The following SULT4A1 variants were observed in gnomAD, a reference collection of about 807,000 sequenced individuals.
The protein encoded by SULT4A1 is sulfotransferase 4A1.
In SULT4A1, 11 loss-of-function variants were observed where a neutral mutation model predicts 35.2. The ratio of observed to expected loss-of-function variants is 0.31; its 90% CI spans 0.20 to 0.52. The LOEUF (loss-of-function observed/expected upper bound fraction) is 0.52, where lower values mean the gene tolerates loss of function less well. Ranked by LOEUF, SULT4A1 falls within the 20% of genes least tolerant of loss-of-function variation. The probability of loss-of-function intolerance (pLI) is 0.97; values close to 1 mark genes in which losing one functional copy is unlikely to be tolerated. For synonymous variants in SULT4A1, 152 were observed against 151.8 expected (o/e 1.00, Z -0.01); for missense variants, 271 against 383.7 (o/e 0.71, Z 2.45).
chr22:43,858,989 C>A (rs2049435082), intron 1 of SULT4A1, among the ~76,000 whole-genome samples: 1 of 152,162 alleles, frequency 6.6e-6, no homozygotes, highest in South Asian at 2.1e-4. Flanking sequence ...TTTACCTGAC[C>A]CTGAGAACAG....
chr22:43,840,893 C>T (rs1238062416), intron 2 of SULT4A1, among the ~76,000 whole-genome samples: 1 of 151,902 alleles, frequency 6.6e-6, no homozygotes, highest in Non-Finnish European at 1.5e-5. Context: ...TCACGGGTCC[C>T]TCTGCTCCTC....
At chr22:43,848,733 G>C (rs1456646752) in intron 1 of SULT4A1, among the ~76,000 whole-genome samples, 1 of 152,200 alleles carries the variant, frequency 6.6e-6, no homozygotes, top group Non-Finnish European at 1.5e-5. Flanking sequence ...AGCAGTGAGG[G>C]CAAATACACC....
intron 1 of SULT4A1, among the ~76,000 whole-genome samples, chr22:43,845,429 C>G (rs1011088649): frequency 2.6e-5 from 4 of 152,230 alleles, no homozygotes; most frequent in African/African-American, 7.2e-5. Flanking sequence ...GCCCCTCCAG[C>G]TGACAGAGGC....
intron 1 of SULT4A1, among the ~76,000 whole-genome samples, chr22:43,846,174 C>A (rs1386339287): frequency 5.3e-5 from 8 of 152,212 alleles, no homozygotes; most frequent in Admixed American, 5.2e-4. Flanking sequence ...GGCCCTTCCC[C>A]AGGCTGCCGA....
chr22:43,862,189 C>A (rs1569505644), intron 1 of SULT4A1, 25 bp downstream of exon 1: 10 of 1,475,210 alleles, frequency 6.8e-6, no homozygotes, highest in South Asian at 3.8e-5. Flanking sequence ...CATGGCGTGG[C>A]GGGCGCGGTC....
intron 6 of SULT4A1, chr22:43,826,841 G>A (rs1166801213): frequency 1.0e-6 from 1 of 985,280 alleles, no homozygotes; most frequent in Non-Finnish European, 1.2e-6. Flanking sequence ...AATGAGTCTG[G>A]GCACAGCCCC....
intron 1 of SULT4A1, among the ~76,000 whole-genome samples, chr22:43,853,833 G>A (rs980652458): frequency 6.6e-5 from 10 of 152,246 alleles, no homozygotes; most frequent in South Asian, 2.1e-4. Flanking sequence ...CAAGCAGAGC[G>A]TGGCTCCACC....
intron 5 of SULT4A1, 45 bp downstream of exon 5, chr22:43,833,595 C>T (rs369511138): frequency 2.4e-5 from 36 of 1,525,708 alleles, no homozygotes; most frequent in African/African-American, 1.8e-4. Flanking sequence ...GCTGCCAGGC[C>T]GAGGGCCAGG....
At chr22:43,832,270 G>C (rs1426979432) in intron 5 of SULT4A1, among the ~76,000 whole-genome samples, 2 of 152,190 alleles carry the variant, frequency 1.3e-5, no homozygotes, top group African/African-American at 4.8e-5. Context: ...CCCATGTAGA[G>C]TCAGACAGGC....
intron 1 of SULT4A1, among the ~76,000 whole-genome samples, chr22:43,853,075 C>A (rs946416417): frequency 9.2e-5 from 14 of 151,818 alleles, no homozygotes; most frequent in Non-Finnish European, 4.4e-5. Flanking sequence ...AACACACAGA[C>A]CACACACACT....
intron 6 of SULT4A1, among the ~76,000 whole-genome samples, chr22:43,828,605 G>A (rs538462180): frequency 6.6e-6 from 1 of 152,164 alleles, no homozygotes; most frequent in South Asian, 2.1e-4. Context: ...GAAGAAAAAC[G>A]GTGTCTCCTA....
intron 1 of SULT4A1, 24 bp downstream of exon 1, chr22:43,862,190 G>T (rs1485028224): frequency 2.0e-5 from 29 of 1,485,636 alleles, no homozygotes; most frequent in Non-Finnish European, 2.4e-5. Flanking sequence ...ATGGCGTGGC[G>T]GGCGCGGTCG....
chr22:43,833,661 G>C lies in SULT4A1; in HGVS notation c.582C>G (p.Leu194=). The change falls in exon 5 of 7, where the codon CTC becomes CTG. Residue 194 remains leucine, a synonymous_variant. Transcript: ENST00000330884. ...EHRMDSNVLF[L]KYEDMHRDLV... ...TCACCCGATGCATGTCTTCATACTT[G>C]AGAAAAAGCACGTTCGAGTCCATGC... The C allele has an allele frequency of 6.3e-7, 1 of 1,596,430 alleles. No homozygotes were observed. The highest frequency in any genetic ancestry group is 8.5e-7 in the Non-Finnish European group (1 of 1,171,348).
At chr22:43,840,757 C>T (rs548207249) in intron 2 of SULT4A1, among the ~76,000 whole-genome samples, 39 of 152,362 alleles carry the variant, frequency 2.6e-4, no homozygotes, top group Non-Finnish European at 4.9e-4. Flanking sequence ...CAGAGCCCGT[C>T]TTCCCAGCTG....
intron 6 of SULT4A1, 118 bp from the exon 7 acceptor site, chr22:43,826,231 C>T: frequency 6.6e-7 from 1 of 1,508,858 alleles, no homozygotes; most frequent in Non-Finnish European, 8.8e-7. Flanking sequence ...TCCCTTTGAA[C>T]TTGGCCTATG....
chr22:43,840,594 G>A (rs1010513757), intron 2 of SULT4A1, among the ~76,000 whole-genome samples: 2 of 152,196 alleles, frequency 1.3e-5, no homozygotes, highest in Non-Finnish European at 2.9e-5. Context: ...AGCAGAGGCA[G>A]CAGGAGGCAC....
intron 5 of SULT4A1, among the ~76,000 whole-genome samples, chr22:43,832,349 A>G (rs763581874): frequency 5.3e-5 from 8 of 152,122 alleles, no homozygotes; most frequent in East Asian, 1.9e-4. Flanking sequence ...TTTCCTCACC[A>G]TAACACAGAG....
intron 6 of SULT4A1, 22 bp from the exon 7 acceptor site, chr22:43,826,135 T>C: frequency 6.2e-7 from 1 of 1,612,614 alleles, no homozygotes; most frequent in African/African-American, 1.3e-5. Context: ...ACAAGAGAAC[T>C]GCTGGGGCCA....
In SULT4A1 at chr22:43,862,433, G is replaced by GCGCCCA. The variant is rs1230295261; in HGVS notation, c.-52_-51insTGGGCG. 2.0e-4 allele frequency: 99 copies of GCGCCCA among 501,234 alleles called. 1 individual carries two copies. In the East Asian group the frequency reaches 0.045, roughly 228 times the overall value. The allele number at this position is 501,234 out of a possible 1,614,324, so 31.0% of individuals were successfully genotyped here. A position where few individuals can be genotyped will look rare whatever the true frequency, so the allele number is the denominator to read the frequency against. The stretch of plus-strand genomic sequence containing the variant: ...CCGCCTCCCGGCTCGCAGCCCGCAC[G>GCGCCCA]CGCCCGCGCCCGCGCCCGCGCCCGC... On this transcript the variant is annotated 5_prime_UTR_variant, in exon 1 of 7. Coordinates refer to ENST00000330884, the MANE Select transcript of SULT4A1 (RefSeq NM_014351.4).
Sources: allele counts gnomAD v4.1 joint callset (sites outside exome capture counted in the v4.1 genomes callset), GRCh38; gene constraint gnomAD v4.1.1; transcripts MANE v1.5; gene names NCBI Gene and HGNC (gene_info 2026-07-23, HGNC 2026-07-21).